The following FAM184B variants were observed in gnomAD, a reference collection of about 807,000 sequenced individuals.
The protein encoded by FAM184B is family with sequence similarity 184 member B, also known as protein FAM184B.
In FAM184B, 111 loss-of-function variants were observed where a neutral mutation model predicts 135.9. The observed-to-expected ratio is 0.82, with a 90% CI of 0.70 to 0.96. The LOEUF is 0.96. FAM184B is among the 40% of genes least tolerant of loss of function. FAM184B has a pLI of 0.00. For missense variants in FAM184B, 1,375 were observed against 1,323.9 expected, an observed-to-expected ratio of 1.04 and a Z score of -0.60; for synonymous variants, 552 against 524.8, an observed-to-expected ratio of 1.05 and a Z score of -0.71.
chr4:17,751,525 A>G (rs1455223659), intron 1 of FAM184B, among the ~76,000 whole-genome samples: 1 of 151,878 alleles, frequency 6.6e-6, no homozygotes, highest in African/African-American at 2.4e-5. Flanking sequence ...ACTCCTTGCT[A>G]TGGGAGGTAA....
intron 1 of FAM184B, among the ~76,000 whole-genome samples, chr4:17,740,658 T>C (rs1053927562): frequency 1.3e-5 from 2 of 152,080 alleles, no homozygotes; most frequent in Non-Finnish European, 2.9e-5. Flanking sequence ...AAAGGAAGAG[T>C]GGCAGTTGCC....
At position 17,705,223 on chromosome 4, in the gene FAM184B, G is replaced by C; in HGVS notation, c.1171-17C>G. 6.5e-7 allele frequency: 1 copy of C among 1,546,768 alleles called. No individual in the cohort carries two copies. The highest frequency in any genetic ancestry group is 1.2e-5 in the South Asian group (1 of 83,428). On this transcript the variant is annotated splice_polypyrimidine_tract_variant and intron_variant, in intron 4 of 17. Transcript: ENST00000265018. The stretch of plus-strand genomic sequence containing the variant: ...TTTCTTGGTCTATAAAAAGAAAAAG[G>C]ACCTTGTAAAACCACTGGGGAGGGG...
At chr4:17,732,837 G>A (rs536368620) in intron 1 of FAM184B, among the ~76,000 whole-genome samples, 1 of 152,250 alleles carries the variant, frequency 6.6e-6, no homozygotes, top group South Asian at 2.1e-4. Flanking sequence ...CTCATTTTAT[G>A]AGGCCAGCAT....
At chr4:17,733,042 C>T (rs1182162826) in intron 1 of FAM184B, among the ~76,000 whole-genome samples, 2 of 152,244 alleles carry the variant, frequency 1.3e-5, no homozygotes, top group South Asian at 4.2e-4. Flanking sequence ...ATATGCAAAT[C>T]AATAAATGTA....
At chr4:17,755,701 A>G (rs1718402966) in intron 1 of FAM184B, among the ~76,000 whole-genome samples, 1 of 152,266 alleles carries the variant, frequency 6.6e-6, no homozygotes, top group African/African-American at 2.4e-5. Context: ...AATGTGGTAC[A>G]TATACACCAC....
At chr4:17,749,195 T>G (rs1718241345) in intron 1 of FAM184B, among the ~76,000 whole-genome samples, 1 of 152,000 alleles carries the variant, frequency 6.6e-6, no homozygotes, top group Non-Finnish European at 1.5e-5. Flanking sequence ...GCATTAAAGA[T>G]CCTCTGAAGC....
chr4:17,753,305 G>A (rs1718342796), intron 1 of FAM184B, among the ~76,000 whole-genome samples: 1 of 152,128 alleles, frequency 6.6e-6, no homozygotes, highest in African/African-American at 2.4e-5. Context: ...AATACATGAA[G>A]GATCTCAAAA....
At chr4:17,639,204 A>G (rs932540500) in intron 14 of FAM184B, 46 bp downstream of exon 14, 33 of 1,540,154 alleles carry the variant, frequency 2.1e-5, no homozygotes, top group Non-Finnish European at 2.4e-5. Context: ...ACCCTACTGA[A>G]TGGTACATTT....
chr4:17,736,803 T>G (rs1475581404), intron 1 of FAM184B, among the ~76,000 whole-genome samples: 2 of 152,160 alleles, frequency 1.3e-5, no homozygotes, highest in African/African-American at 2.4e-5. Flanking sequence ...AGTCTCTAGC[T>G]GGGCTGCCAT....
At chr4:17,634,896 C>A in intron 16 of FAM184B, 113 bp downstream of exon 16, 6 of 628,670 alleles carry the variant, frequency 9.5e-6, no homozygotes, top group South Asian at 2.7e-5. Context: ...TTTTTTTTTC[C>A]AATGAATATT....
At position 17,729,933 on chromosome 4, in the gene FAM184B, G is replaced by A. The variant is rs145559621; in HGVS notation, c.142-20289C>T. 3.5e-3 allele frequency among the ~76,000 whole-genome samples: 529 copies of A among 152,344 alleles called. 1 individual carries two copies. The highest frequency in any genetic ancestry group is 0.011 in the African/African-American group (464 of 41,582). On this transcript the variant is annotated intron_variant, in intron 1 of 17. Transcript: ENST00000265018. ...GGATGGGGAATGACTTTGACGAGCT[G>A]AGAGAAGAAGGCTTCAGACAATCAA...
chr4:17,632,102 CCT>C lies in FAM184B; in HGVS notation c.*428_*429del, dbSNP rs1407236697. ...TTTTTTTTTTTGGAGACAGGGTCTC[CCT>C]CTGTCACCCAGGCTGGTTGGAATGC... On this transcript the variant is annotated 3_prime_UTR_variant, in exon 18 of 18. Coordinates refer to ENST00000265018, the MANE Select transcript of FAM184B (RefSeq NM_015688.2). 6 of 111,908 alleles carry C rather than the reference CCT, an allele frequency of 5.4e-5. No homozygotes were observed. The highest frequency in any genetic ancestry group is 9.1e-5 in the Non-Finnish European group (5 of 54,892). The allele number at this position is 111,908 out of a possible 1,614,324, so 6.9% of individuals were successfully genotyped here.
chr4:17,710,048 A>G (rs972716243), intron 1 of FAM184B, among the ~76,000 whole-genome samples: 1 of 152,126 alleles, frequency 6.6e-6, no homozygotes, highest in Non-Finnish European at 1.5e-5. Flanking sequence ...GACCCAGGCC[A>G]GGTGCGGTGG....
intron 8 of FAM184B, among the ~76,000 whole-genome samples, chr4:17,663,887 G>A (rs1715983304): frequency 6.6e-6 from 1 of 152,104 alleles, no homozygotes; most frequent in Non-Finnish European, 1.5e-5. Flanking sequence ...GGTTTTATAA[G>A]TGTTTGTCAT....
intron 12 of FAM184B, among the ~76,000 whole-genome samples, chr4:17,644,336 A>G (rs1050554776): frequency 2.6e-5 from 4 of 152,236 alleles, no homozygotes; most frequent in Admixed American, 1.3e-4. Flanking sequence ...AAAATCCTCA[A>G]TAAAAGACTG....
At chr4:17,678,148 A>G (rs922275702) in intron 7 of FAM184B, among the ~76,000 whole-genome samples, 2 of 152,204 alleles carry the variant, frequency 1.3e-5, no homozygotes, top group African/African-American at 2.4e-5. Flanking sequence ...TCTATTCAAC[A>G]TAGTATTGGA....
intron 8 of FAM184B, 67 bp downstream of exon 8, chr4:17,664,495 G>T: frequency 8.2e-7 from 1 of 1,226,364 alleles, no homozygotes; most frequent in Non-Finnish European, 1.2e-6. Flanking sequence ...TGAATGAATG[G>T]ATGAATCCTT....
intron 7 of FAM184B, among the ~76,000 whole-genome samples, chr4:17,686,894 C>T (rs1716601479): frequency 6.6e-6 from 1 of 152,190 alleles, no homozygotes; most frequent in African/African-American, 2.4e-5. Context: ...TGAGCTGTGA[C>T]TGCACCACTG....
chr4:17,688,504 G>T lies in FAM184B; in HGVS notation c.1516C>A (p.Gln506Lys). 1 of 1,550,630 alleles carries T rather than the reference G, an allele frequency of 6.4e-7. No individual in the cohort carries two copies. The highest frequency in any genetic ancestry group is 8.7e-7 in the Non-Finnish European group (1 of 1,146,762). The change falls in exon 7 of 18, where the codon CAA (glutamine) becomes AAA (lysine). Residue 506 changes from glutamine to lysine, a missense_variant. Transcript: ENST00000265018. The stretch of plus-strand genomic sequence containing the variant: ...GCTCCTGTGGGGCGTGTCTTATTTT[G>T]TTGGATAAATTCTTCCAGCCTTAAA... ...EVLRLEEFIQ[Q>K]NKTRPTGAEE...
Sources: gnomAD v4.1 joint callset for allele counts (sites outside exome capture counted in the v4.1 genomes callset) on GRCh38, gnomAD v4.1.1 for gene constraint, MANE v1.5 for transcripts, NCBI Gene and HGNC (gene_info 2026-07-23, HGNC 2026-07-21) for gene names.